NRXN3: variants seen among roughly 807,000 people sequenced by gnomAD.
The protein encoded by NRXN3 is neurexin 3.
Under a neutral mutation model 137.6 loss-of-function variants are expected in NRXN3, and 32 were observed. That is an observed-to-expected ratio of 0.23 (90% CI 0.18 to 0.31). The LOEUF (loss-of-function observed/expected upper bound fraction) is 0.31. NRXN3 is among the 10% of genes least tolerant of loss of function. NRXN3 has a pLI of 1.00. For missense variants in NRXN3, 1,574 were observed against 2,062.5 expected, an observed-to-expected ratio of 0.76 and a Z score of 4.59; for synonymous variants, 798 against 784.5, an observed-to-expected ratio of 1.02 and a Z score of -0.29.
At chr14:78,403,805 CT>C (rs1056226474) in intron 4 of NRXN3, 11 of 985,250 alleles carry the variant, frequency 1.1e-5, no homozygotes, top group Non-Finnish European at 8.4e-6. Flanking sequence ...TTTCTGCCCC[CT>C]GAGGTTGTGC....
At chr14:79,804,240 A>G (rs1016240733) in intron 19 of NRXN3, among the ~76,000 whole-genome samples, 6 of 152,092 alleles carry the variant, frequency 3.9e-5, no homozygotes, top group Admixed American at 6.6e-5. Context: ...TGTTTTTTGC[A>G]TAAGATCTGT....
intron 7 of NRXN3, among the ~76,000 whole-genome samples, chr14:78,710,310 C>T (rs1278990146): frequency 6.9e-6 from 1 of 145,654 alleles, no homozygotes; most frequent in Non-Finnish European, 1.5e-5. Flanking sequence ...GTTTCTGCAG[C>T]TGCAGATCAA....
In NRXN3 at chr14:79,746,131, T is replaced by A. The variant is rs189356602; in HGVS notation, c.4014+48194T>A. ...CCTCTCTAGTTTTACTCAGTCTAGA[T>A]CCCAATCCATGGAGTTTGACCAAAT... On this transcript the variant is annotated intron_variant, in intron 19 of 20. Coordinates refer to ENST00000335750, the MANE Select transcript of NRXN3 (RefSeq NM_001330195.2). 2.9e-3 allele frequency among the ~76,000 whole-genome samples: 436 copies of A among 152,258 alleles called. 1 individual carries two copies. Among genetic ancestry groups the A allele is most frequent in the Non-Finnish European group, 5.4e-3 (365 of 68,008 alleles).
At chr14:79,339,884 A>G (rs1266598303) in intron 15 of NRXN3, among the ~76,000 whole-genome samples, 5 of 152,342 alleles carry the variant, frequency 3.3e-5, no homozygotes, top group African/African-American at 1.2e-4. Flanking sequence ...TAATGTAGGT[A>G]AAATGCATAC....
At chr14:79,563,140 T>A (rs2097516236) in intron 16 of NRXN3, among the ~76,000 whole-genome samples, 1 of 152,194 alleles carries the variant, frequency 6.6e-6, no homozygotes, top group Non-Finnish European at 1.5e-5. Flanking sequence ...GAATATTAAT[T>A]CTTTGAAAGT....
chr14:78,405,921 C>T (rs975288412), intron 4 of NRXN3, among the ~76,000 whole-genome samples: 5 of 152,134 alleles, frequency 3.3e-5, no homozygotes, highest in African/African-American at 7.2e-5. Context: ...TAGTTTATTT[C>T]TCTTGGATGG....
At chr14:78,252,157 CTT>C (rs75377107) in intron 2 of NRXN3, among the ~76,000 whole-genome samples, 24 of 143,804 alleles carry the variant, frequency 1.7e-4, no homozygotes, top group Non-Finnish European at 1.5e-4. Context: ...AAGTTTTTTT[CTT>C]TTTTTTTTTT....
chr14:79,646,959 G>A (rs909440239), intron 16 of NRXN3, among the ~76,000 whole-genome samples: 4 of 135,304 alleles, frequency 3.0e-5, no homozygotes, highest in Admixed American at 7.9e-5. Context: ...GGAGGCAAAG[G>A]GAAAGAGAAG....
At chr14:78,900,553 G>A (rs1007909467) in intron 10 of NRXN3, among the ~76,000 whole-genome samples, 7 of 150,906 alleles carry the variant, frequency 4.6e-5, no homozygotes, top group Non-Finnish European at 1.0e-4. Flanking sequence ...CTCTTCTTCT[G>A]AAGGGTGTCC....
intron 4 of NRXN3, among the ~76,000 whole-genome samples, chr14:78,335,923 G>T (rs1597457437): frequency 6.6e-6 from 1 of 152,266 alleles, no homozygotes; most frequent in East Asian, 1.9e-4. Flanking sequence ...TAACTCTGAA[G>T]GTTTTGCCTG....
intron 15 of NRXN3, among the ~76,000 whole-genome samples, chr14:79,352,632 A>G (rs1041439005): frequency 2.0e-5 from 3 of 152,170 alleles, no homozygotes; most frequent in African/African-American, 4.8e-5. Context: ...AAAACAGAAT[A>G]AAAATTAATT....
chr14:79,843,432 A>G (rs1426049187), intron 20 of NRXN3, among the ~76,000 whole-genome samples: 1 of 152,188 alleles, frequency 6.6e-6, no homozygotes, highest in Non-Finnish European at 1.5e-5. Flanking sequence ...ACAGATCAGG[A>G]TGTGGGTGCT....
rs770524486 is a variant in NRXN3 at position 78,825,285 on chromosome 14, A to C, written c.2275+14941A>C. On this transcript the variant is annotated intron_variant, in intron 10 of 20. Coordinates refer to ENST00000335750, the MANE Select transcript of NRXN3 (RefSeq NM_001330195.2). ...TTATAGGCTTCTGTAAGCTTCAAAAATGATCCTTAAAGAGATTGAAGATGA... is the reference window on the plus strand; with the variant it reads ...TTATAGGCTTCTGTAAGCTTCAAAACTGATCCTTAAAGAGATTGAAGATGA... Among the ~76,000 whole-genome samples, 206 of 152,206 alleles carry C rather than the reference A, an allele frequency of 1.4e-3. 1 individual carries two copies. Among genetic ancestry groups the C allele is most frequent in the Middle Eastern group, 0.01 (3 of 294 alleles).
At chr14:79,054,160 TG>T (rs2099649135) in intron 15 of NRXN3, among the ~76,000 whole-genome samples, 1 of 67,978 alleles carries the variant, frequency 1.5e-5, no homozygotes, top group Non-Finnish European at 2.7e-5. Flanking sequence ...GGGCCTGTTG[TG>T]GGGTGGGGGG....
chr14:79,715,531 T>A (rs1446188101), intron 19 of NRXN3, among the ~76,000 whole-genome samples: 1 of 152,112 alleles, frequency 6.6e-6, no homozygotes, highest in African/African-American at 2.4e-5. Context: ...TGGCAGGGAA[T>A]GGAAAAGGGA....
Position 79,435,593 on chromosome 14 carries a change from TACACACACACACAC to T in NRXN3, c.3263-31604_3263-31591del, listed in dbSNP as rs35554281. ...TTGGCAAGGATGTAGAACACTAAGA[TACACACACACACAC>T]ACACACACACACACACACACACATA... On this transcript the variant is annotated intron_variant, in intron 15 of 20. Transcript: ENST00000335750. Among the ~76,000 whole-genome samples, 11 of 143,920 alleles carry T rather than the reference TACACACACACACAC, an allele frequency of 7.6e-5. No individual in the cohort carries two copies. In the East Asian group the frequency reaches 1.5e-3, roughly 19 times the overall value. The allele number at this position is 143,920 out of a possible 152,430, so 94.4% of individuals were successfully genotyped here. A position where few individuals can be genotyped will look rare whatever the true frequency, so the allele number is the denominator to read the frequency against.
At chr14:78,823,382 T>C (rs1202835576) in intron 10 of NRXN3, among the ~76,000 whole-genome samples, 3 of 152,192 alleles carry the variant, frequency 2.0e-5, no homozygotes, top group Non-Finnish European at 4.4e-5. Flanking sequence ...AGACTGTTCC[T>C]CTGTATCTGC....
intron 4 of NRXN3, among the ~76,000 whole-genome samples, chr14:78,350,325 G>T (rs1396076481): frequency 1.3e-5 from 2 of 152,004 alleles, no homozygotes; most frequent in African/African-American, 4.8e-5. Flanking sequence ...AGGGTTCTCT[G>T]GGAGGCTGGA....
At chr14:78,636,413 C>T (rs934600057) in intron 4 of NRXN3, among the ~76,000 whole-genome samples, 1 of 151,988 alleles carries the variant, frequency 6.6e-6, no homozygotes, top group African/African-American at 2.4e-5. Context: ...GGCAGGTCAC[C>T]TGGGAATAGT....
Sources: gnomAD v4.1 joint callset for allele counts (sites outside exome capture counted in the v4.1 genomes callset) on GRCh38, gnomAD v4.1.1 for gene constraint, MANE v1.5 for transcripts, NCBI Gene and HGNC (gene_info 2026-07-23, HGNC 2026-07-21) for gene names.